The following DACH2 variants were observed in gnomAD, a reference collection of about 807,000 sequenced individuals.
DACH2 encodes dachshund homolog 2.
DACH2 carries 17 observed loss-of-function variants against 35.8 expected under a neutral mutation model. That is an observed-to-expected ratio of 0.48 (90% CI 0.33 to 0.71). The LOEUF (loss-of-function observed/expected upper bound fraction) is 0.71. Among genes scored for constraint, DACH2 ranks in the 30% least tolerant of loss-of-function variants. The pLI is 0.02. For missense variants in DACH2, 469 were observed against 472.7 expected, an observed-to-expected ratio of 0.99 and a Z score of 0.07; for synonymous variants, 195 against 177.3, an observed-to-expected ratio of 1.10 and a Z score of -0.79.
At chrX:86,719,832 T>C (rs148866461) in intron 6 of DACH2, among the ~76,000 whole-genome samples, 1,823 of 110,305 alleles carry the variant, frequency 0.017, 47 homozygotes, top group African/African-American at 0.057. Context: ...AGGCAAACCA[T>C]ATCATTTCAC....
At chrX:86,277,763 A>G (rs758833923) in intron 1 of DACH2, among the ~76,000 whole-genome samples, 75 of 112,007 alleles carry the variant, frequency 6.7e-4, no homozygotes, top group Non-Finnish European at 1.2e-3. Flanking sequence ...CATTGAAGCC[A>G]GTCCTTTTAC....
chrX:86,362,370 G>A (rs945905259), intron 1 of DACH2, among the ~76,000 whole-genome samples: 2 of 110,738 alleles, frequency 1.8e-5, no homozygotes, highest in Non-Finnish European at 3.8e-5. Context: ...CTGAGCTGAC[G>A]GAAAAAGCAG....
At chrX:86,651,766 C>T (rs2040480924) in intron 4 of DACH2, among the ~76,000 whole-genome samples, 1 of 110,029 alleles carries the variant, frequency 9.1e-6, no homozygotes, top group African/African-American at 3.4e-5. Flanking sequence ...GATCATTGTA[C>T]CTTGGCCTTG....
At chrX:86,190,757 C>G (rs1444544271) in intron 1 of DACH2, among the ~76,000 whole-genome samples, 2 of 110,958 alleles carry the variant, frequency 1.8e-5, no homozygotes, top group African/African-American at 6.6e-5. Context: ...CCAGCCTGAC[C>G]AACATGGAGA....
chrX:86,305,769 A>T (rs1421774230), intron 1 of DACH2, among the ~76,000 whole-genome samples: 1 of 111,673 alleles, frequency 9.0e-6, no homozygotes, highest in Non-Finnish European at 1.9e-5. Context: ...ATTTAAAAAT[A>T]GGCAAAAGAC....
At chrX:86,705,050 C>CATATATATATATATATCTTACAT (rs1556379565) in intron 5 of DACH2, among the ~76,000 whole-genome samples, 76 of 75,272 alleles carry the variant, frequency 1.0e-3, no homozygotes, top group African/African-American at 3.6e-3. Context: ...ATATATCTCA[C>CATATATATATATATATCTTACAT]ATATATATAT....
chrX:86,334,350 G>A (rs1421409243), intron 1 of DACH2, among the ~76,000 whole-genome samples: 1 of 112,048 alleles, frequency 8.9e-6, no homozygotes, highest in Non-Finnish European at 1.9e-5. Flanking sequence ...TTCCATGATG[G>A]TTGAACTAAT....
chrX:86,673,317 C>A (rs1302904639), intron 4 of DACH2, among the ~76,000 whole-genome samples: 2 of 70,687 alleles, frequency 2.8e-5, no homozygotes, highest in African/African-American at 1.2e-4. Context: ...AGTCTGGGGA[C>A]AGAGCGAGAC....
At chrX:86,362,724 T>A (rs2035755330) in intron 1 of DACH2, among the ~76,000 whole-genome samples, 1 of 111,336 alleles carries the variant, frequency 9.0e-6, no homozygotes, top group Admixed American at 9.6e-5. Flanking sequence ...CAAACAGAAC[T>A]GCTAATTAGT....
rs144419167 is a variant in DACH2 at position 86,547,920 on chromosome X, C to T, written c.640+33529C>T. ...CACACACTCTGTGCTCAGTGGAGTG[C>T]AATTGTCTTGGCCCCAGCAATTGCT... is the stretch of plus-strand genomic sequence containing the variant. On this transcript the variant is annotated intron_variant, in intron 3 of 11. Transcript: ENST00000373125. Among the ~76,000 whole-genome samples, 1,054 of 112,030 alleles carry T rather than the reference C, an allele frequency of 9.4e-3. 18 individuals carry two copies. Among genetic ancestry groups the T allele is most frequent in the African/African-American group, 0.033 (1,011 of 30,852 alleles).
intron 7 of DACH2, among the ~76,000 whole-genome samples, chrX:86,753,309 C>T (rs1207392814): frequency 1.8e-5 from 2 of 111,604 alleles, no homozygotes; most frequent in Non-Finnish European, 3.8e-5. Flanking sequence ...ATTCTGAATG[C>T]ATTTGTTTAG....
chrX:86,172,533 C>T (rs1009600725), intron 1 of DACH2, among the ~76,000 whole-genome samples: 3 of 111,954 alleles, frequency 2.7e-5, no homozygotes, highest in East Asian at 2.8e-4. Flanking sequence ...GAAATGTAGG[C>T]AAGTAAAATG....
chrX:86,793,708 C>G (rs1445050321), intron 7 of DACH2, among the ~76,000 whole-genome samples: 1 of 112,361 alleles, frequency 8.9e-6, no homozygotes, highest in East Asian at 2.8e-4. Context: ...TTTTTCTACT[C>G]TGGCTCATTC....
At chrX:86,635,052 G>C (rs1450732820) in intron 3 of DACH2, among the ~76,000 whole-genome samples, 2 of 107,629 alleles carry the variant, frequency 1.9e-5, no homozygotes, top group East Asian at 6.4e-4. Flanking sequence ...AAACCTGGTA[G>C]AGACATAACG....
At chrX:86,326,011 TA>T (rs1308577080) in intron 1 of DACH2, among the ~76,000 whole-genome samples, 1 of 109,424 alleles carries the variant, frequency 9.1e-6, no homozygotes, top group African/African-American at 3.3e-5. Context: ...ATATTGTATG[TA>T]AAACATCTAT....
chrX:86,188,050 G>A (rs1320524142), intron 1 of DACH2, among the ~76,000 whole-genome samples: 2 of 111,682 alleles, frequency 1.8e-5, no homozygotes, highest in Non-Finnish European at 3.8e-5. Context: ...TTTATTGATC[G>A]GATAGCCTCT....
chrX:86,221,442 A>G (rs1308657091), intron 1 of DACH2, among the ~76,000 whole-genome samples: 1 of 111,774 alleles, frequency 8.9e-6, no homozygotes, highest in Non-Finnish European at 1.9e-5. Context: ...TGCTAGTGCC[A>G]TCCTGTTTTA....
At chrX:86,641,539 T>C (rs894140735) in intron 3 of DACH2, among the ~76,000 whole-genome samples, 17 of 112,075 alleles carry the variant, frequency 1.5e-4, no homozygotes, top group African/African-American at 5.5e-4. Flanking sequence ...TTTCAGAAGA[T>C]TGTTCATGAA....
intron 2 of DACH2, among the ~76,000 whole-genome samples, chrX:86,392,193 TAA>T (rs2036215063): frequency 9.0e-6 from 1 of 111,721 alleles, no homozygotes; most frequent in Admixed American, 9.6e-5. Context: ...TTGAAGGGTA[TAA>T]ACATCCATTT....
Sources: gnomAD v4.1 joint callset for allele counts (sites outside exome capture counted in the v4.1 genomes callset) on GRCh38, gnomAD v4.1.1 for gene constraint, MANE v1.5 for transcripts, NCBI Gene and HGNC (gene_info 2026-07-23, HGNC 2026-07-21) for gene names.